The following APBA1 variants were observed in gnomAD, a reference collection of about 807,000 sequenced individuals.
APBA1 encodes the protein amyloid-beta A4 precursor protein-binding family A member 1.
In APBA1, 55 loss-of-function variants were observed where a neutral mutation model predicts 86.6. That is an observed-to-expected ratio of 0.64 (90% CI 0.51 to 0.80). The LOEUF (loss-of-function observed/expected upper bound fraction) is 0.80. Ranked by LOEUF, APBA1 falls within the 30% of genes least tolerant of loss-of-function variation. The pLI is 0.00. For synonymous variants in APBA1, 511 were observed against 493.9 expected (o/e 1.03, Z -0.46); for missense variants, 1,090 against 1,183.0 (o/e 0.92, Z 1.15).
chr9:69,457,393 T>G (rs1380012124), intron 6 of APBA1, among the ~76,000 whole-genome samples: 1 of 152,218 alleles, frequency 6.6e-6, no homozygotes, highest in African/African-American at 2.4e-5. Flanking sequence ...AGTAACTCAC[T>G]GCAGTAGATT....
chr9:69,568,037 C>T (rs1183014435), intron 1 of APBA1, among the ~76,000 whole-genome samples: 3 of 152,190 alleles, frequency 2.0e-5, no homozygotes, highest in Non-Finnish European at 2.9e-5. Context: ...AAATGCTTAA[C>T]AAACACAGTA....
At chr9:69,502,053 G>C (rs1438554725) in intron 2 of APBA1, among the ~76,000 whole-genome samples, 1 of 152,054 alleles carries the variant, frequency 6.6e-6, no homozygotes, top group Non-Finnish European at 1.5e-5. Context: ...ATACTGTCTG[G>C]TGAGACAATC....
At chr9:69,503,026 G>T (rs961221265) in intron 2 of APBA1, among the ~76,000 whole-genome samples, 1 of 152,108 alleles carries the variant, frequency 6.6e-6, no homozygotes, top group African/African-American at 2.4e-5. Context: ...AAATGCAAGT[G>T]TGTGTGCTTA....
intron 8 of APBA1, among the ~76,000 whole-genome samples, chr9:69,453,506 C>G (rs1347911012): frequency 6.6e-6 from 1 of 152,232 alleles, no homozygotes; most frequent in African/African-American, 2.4e-5. Context: ...TGTGGCTATG[C>G]TGCAGTAAAT....
At chr9:69,649,485 CT>C in intron 1 of APBA1, among the ~76,000 whole-genome samples, 1 of 152,178 alleles carries the variant, frequency 6.6e-6, no homozygotes, top group East Asian at 1.9e-4. Context: ...AGGACCAGGT[CT>C]TCCTGCCACA....
chr9:69,654,354 CT>C (rs1263958090), intron 1 of APBA1, among the ~76,000 whole-genome samples: 1 of 151,958 alleles, frequency 6.6e-6, no homozygotes, highest in Non-Finnish European at 1.5e-5. Context: ...AATCCCGACA[CT>C]TTGGGAGGCT....
At chr9:69,591,291 T>G (rs1822123368) in intron 1 of APBA1, among the ~76,000 whole-genome samples, 1 of 152,220 alleles carries the variant, frequency 6.6e-6, no homozygotes, top group Non-Finnish European at 1.5e-5. Flanking sequence ...GATTCCTGAA[T>G]CCACAATCAA....
intron 2 of APBA1, among the ~76,000 whole-genome samples, chr9:69,499,190 C>T (rs985284326): frequency 2.0e-5 from 3 of 152,016 alleles, no homozygotes; most frequent in Non-Finnish European, 4.4e-5. Flanking sequence ...AAGGGAAAAT[C>T]GGAGATAAGG....
chr9:69,670,590 C>G (rs923755634), intron 1 of APBA1, among the ~76,000 whole-genome samples: 11 of 152,176 alleles, frequency 7.2e-5, no homozygotes, highest in Non-Finnish European at 1.3e-4. Flanking sequence ...GAGGGGGAAT[C>G]ACACTGCCCT....
At chr9:69,636,890 A>AGAAGGAAGGAAGGAAGGAAG (rs1284734460) in intron 1 of APBA1, among the ~76,000 whole-genome samples, 22 of 23,530 alleles carry the variant, frequency 9.3e-4, no homozygotes, top group South Asian at 8.5e-3. Flanking sequence ...AAGGAAGGAA[A>AGAAGGAAGGAAGGAAGGAAG]GAAGGAAGGA....
chr9:69,460,736 C>CT (rs200903678), intron 5 of APBA1: 11,344 of 144,652 alleles, frequency 0.078, 473 homozygotes, highest in Non-Finnish European at 0.089. Context: ...TATTCTGAAA[C>CT]TTTTTTTTTT....
At chr9:69,511,457 A>C (rs1012754702) in intron 2 of APBA1, among the ~76,000 whole-genome samples, 2 of 152,112 alleles carry the variant, frequency 1.3e-5, no homozygotes, top group Non-Finnish European at 2.9e-5. Flanking sequence ...AAATAGGAAC[A>C]CTTTTACACT....
chr9:69,542,045 A>G (rs1836621618), intron 1 of APBA1, among the ~76,000 whole-genome samples: 1 of 152,134 alleles, frequency 6.6e-6, no homozygotes, highest in African/African-American at 2.4e-5. Context: ...AAATATATCT[A>G]TTTATAAGGA....
chr9:69,553,579 A>G (rs1231338774), intron 1 of APBA1, among the ~76,000 whole-genome samples: 27 of 152,244 alleles, frequency 1.8e-4, no homozygotes, highest in Admixed American at 1.8e-3. Flanking sequence ...GCAGTATAGC[A>G]TGGTATGAAT....
intron 1 of APBA1, among the ~76,000 whole-genome samples, chr9:69,526,681 A>G (rs1444128843): frequency 1.3e-5 from 2 of 152,054 alleles, no homozygotes; most frequent in Non-Finnish European, 2.9e-5. Flanking sequence ...GAGAACTACA[A>G]TTCGACCCAG....
chr9:69,530,485 T>A lies in APBA1; in HGVS notation c.-69-13206A>T, dbSNP rs141368281. Among the ~76,000 whole-genome samples, 988 of 152,174 alleles carry A rather than the reference T, an allele frequency of 6.5e-3. 10 individuals carry two copies. Among genetic ancestry groups the A allele is most frequent in the Non-Finnish European group, 8.9e-3 (602 of 68,002 alleles). ...CAGAAACAGAAAACCAAACTCCTCA[T>A]GTTCTCACTTACATGTGGAAGCTAA... On this transcript the variant is annotated intron_variant, in intron 1 of 12. Coordinates refer to ENST00000265381, the MANE Select transcript of APBA1 (RefSeq NM_001163.4).
intron 11 of APBA1, among the ~76,000 whole-genome samples, chr9:69,440,055 C>G (rs796347994): frequency 6.6e-6 from 1 of 152,192 alleles, no homozygotes; most frequent in African/African-American, 2.4e-5. Flanking sequence ...CCACTCCAGA[C>G]CCTGTTTGCC....
intron 1 of APBA1, among the ~76,000 whole-genome samples, chr9:69,667,549 A>T (rs1234113633): frequency 6.7e-6 from 1 of 149,804 alleles, no homozygotes; most frequent in South Asian, 2.2e-4. Flanking sequence ...TCTGTCTCAA[A>T]AGAATCCTTC....
At chr9:69,652,549 A>G (rs1823527367) in intron 1 of APBA1, among the ~76,000 whole-genome samples, 2 of 152,264 alleles carry the variant, frequency 1.3e-5, no homozygotes, top group South Asian at 4.1e-4. Context: ...ACAGTAAAAA[A>G]GAAATAAAAG....
Sources: allele counts gnomAD v4.1 joint callset (sites outside exome capture counted in the v4.1 genomes callset), GRCh38; gene constraint gnomAD v4.1.1; transcripts MANE v1.5; gene names NCBI Gene and HGNC (gene_info 2026-07-23, HGNC 2026-07-21).